The following EARS2 variants were observed in gnomAD, a reference collection of about 807,000 sequenced individuals.
EARS2 encodes glutamyl-tRNA synthetase 2, mitochondrial.
A neutral mutation model predicts 54.1 loss-of-function variants in EARS2; 50 were observed. The ratio of observed to expected loss-of-function variants is 0.92; its 90% CI spans 0.74 to 1.17. The LOEUF (loss-of-function observed/expected upper bound fraction) is 1.17, where lower values mean the gene tolerates loss of function less well. Ranked by LOEUF, EARS2 falls within the 50% of genes most tolerant of loss-of-function variation. The pLI, the probability that EARS2 is intolerant of heterozygous loss-of-function variation, is 0.00. For synonymous variants in EARS2, 298 were observed against 281.0 expected (o/e 1.06, Z -0.61); for missense variants, 673 against 675.0 (o/e 1.00, Z 0.03).
chr16:23,544,409 C>T (rs1965565756), intron 3 of EARS2, 105 bp downstream of exon 3: 2 of 1,207,720 alleles, frequency 1.7e-6, no homozygotes, highest in South Asian at 1.6e-5. Flanking sequence ...GCCTGACCCA[C>T]AGAAACTGAG....
intron 8 of EARS2, chr16:23,524,885 T>G (rs1965198961): frequency 2.2e-6 from 1 of 448,216 alleles, no homozygotes; most frequent in Admixed American, 4.0e-5. Flanking sequence ...CCTCAGGTGA[T>G]CCACCTGCCT....
At position 23,525,311 on chromosome 16, in the gene EARS2, T is replaced by C; in HGVS notation, c.1421A>G (p.Glu474Gly). ...ACTGTACTTGGTGCCTTCCAGACCTTCTGATAGCTTCTTCAGTTCTCCATT... is the reference window on the plus strand; with the variant it reads ...ACTGTACTTGGTGCCTTCCAGACCTCCTGATAGCTTCTTCAGTTCTCCATT... ...MLNGELKKLS[E>G]GLEGTKYSNV... Residue 474 changes from glutamate (E) to glycine (G), a missense_variant, in exon 8 of 9, where the codon GAA becomes GGA. Transcript: ENST00000449606. The C allele has an allele frequency of 6.2e-7, 1 of 1,614,114 alleles. No homozygotes were observed. Among genetic ancestry groups the C allele is most frequent in the Non-Finnish European group, 8.5e-7 (1 of 1,180,016 alleles).
At chr16:23,533,525 T>A (rs1312182366) in intron 4 of EARS2, among the ~76,000 whole-genome samples, 2 of 152,132 alleles carry the variant, frequency 1.3e-5, no homozygotes, top group African/African-American at 2.4e-5. Context: ...ATTTAACTTC[T>A]AGCTATTTAT....
At chr16:23,546,944 T>C (rs570658651) in intron 2 of EARS2, among the ~76,000 whole-genome samples, 19 of 152,318 alleles carry the variant, frequency 1.2e-4, no homozygotes, top group African/African-American at 4.3e-4. Context: ...CGGGTAAATT[T>C]GGGGGGATCC....
At chr16:23,546,551 G>A (rs1368225537) in intron 2 of EARS2, 1 of 403,744 alleles carries the variant, frequency 2.5e-6, no homozygotes, top group Non-Finnish European at 4.9e-6. Flanking sequence ...TCTATGCTTT[G>A]GTATTTATGT....
Position 23,544,514 on chromosome 16 carries a change from CG to C in EARS2, c.484del (p.Arg162GlyfsTer9), listed in dbSNP as rs1567386952. 6.2e-7 allele frequency: 1 copy of C among 1,612,454 alleles called. No individual in the cohort carries two copies. Among genetic ancestry groups the C allele is most frequent in the Admixed American group, 1.7e-5 (1 of 59,770 alleles). On this transcript the variant is annotated frameshift_variant and splice_region_variant, in exon 3 of 9. Coordinates refer to ENST00000449606, the MANE Select transcript of EARS2 (RefSeq NM_001083614.2). LOFTEE classifies it high-confidence loss of function. The stretch of plus-strand genomic sequence containing the variant: ...ATCTGCAACAAGCTGAGGTTCTTAC[CG>C]GGGCGTCTGGTGGTTCCGCAAGGCC... ...KEALRNHQTPRYDNRCRNMSQ... is the reference protein window; with the variant it reads ...KEALRNHQTPXYDNRCRNMSQ...
In EARS2 at chr16:23,521,853, G is replaced by A; in HGVS notation, c.*2518C>T. The A allele has an allele frequency of 2.2e-6, 1 of 456,024 alleles. No homozygotes were observed. Among genetic ancestry groups the A allele is most frequent in the Non-Finnish European group, 4.4e-6 (1 of 226,788 alleles). The allele number at this position is 456,024 out of a possible 1,614,324, so 28.2% of individuals were successfully genotyped here. A position where few individuals can be genotyped will look rare whatever the true frequency, so the allele number is the denominator to read the frequency against. ...TTAATGTCTTAGAAACAGATGCTCT[G>A]ACAACACTCAGTAGATCAGAGTTAA... On this transcript the variant is annotated 3_prime_UTR_variant, in exon 9 of 9. Transcript: ENST00000449606.
At chr16:23,524,959 T>G in intron 8 of EARS2, 1 of 574,680 alleles carries the variant, frequency 1.7e-6, no homozygotes, top group South Asian at 2.2e-5. Context: ...TTTCCCATAT[T>G]AAGTAAGCTG....
At chr16:23,556,146 G>T (rs932954865) in intron 1 of EARS2, among the ~76,000 whole-genome samples, 1 of 152,204 alleles carries the variant, frequency 6.6e-6, no homozygotes, top group Non-Finnish European at 1.5e-5. Flanking sequence ...TTACTACAAA[G>T]ATCTTTGTAT....
Position 23,535,103 on chromosome 16 carries a change from G to C in EARS2, c.743C>G (p.Ser248Cys). The change falls in exon 4 of 9, where the codon TCT becomes TGT. Residue 248 changes from serine (S) to cysteine (C), a missense_variant. Ser to Cys is a moderately radical substitution (Grantham distance 112). This residue lies in a region of EARS2 where 338 missense variants were observed against 361.2 expected (regional missense o/e 0.94). Transcript: ENST00000449606. ...HMGISHVLRG[S>C]EWLVSTAKHL... ...CTTGGCAGTGGAGACGAGCCACTCA[G>C]AGCCTCGCAGCACGTGGCTGATGCC... 6.2e-7 allele frequency: 1 copy of C among 1,610,016 alleles called. No individual in the cohort carries two copies. Among genetic ancestry groups the C allele is most frequent in the Non-Finnish European group, 8.5e-7 (1 of 1,178,570 alleles).
At chr16:23,534,784 G>T (rs1330624917) in intron 4 of EARS2, 104 bp downstream of exon 4, 3 of 977,166 alleles carry the variant, frequency 3.1e-6, no homozygotes, top group Admixed American at 5.8e-5. Context: ...TCACCTGGCT[G>T]GTAGGTGGCA....
intron 7 of EARS2, 106 bp from the exon 8 acceptor site, chr16:23,525,485 C>A: frequency 7.8e-7 from 1 of 1,274,062 alleles, no homozygotes; most frequent in Middle Eastern, 2.5e-4. Flanking sequence ...AGCAGCACAA[C>A]CAATGTTCAA....
At position 23,522,184 on chromosome 16, in the gene EARS2, G is replaced by A; in HGVS notation, c.*2187C>T. The A allele has an allele frequency of 4.8e-6, 1 of 206,246 alleles. No homozygotes were observed. Among genetic ancestry groups the A allele is most frequent in the Non-Finnish European group, 1.0e-5 (1 of 98,078 alleles). 12.8% of individuals were successfully genotyped at this position (206,246 alleles called of 1,614,324 possible). Reference sequence around the variant, plus strand: ...TGTTTCTGCCATTACATCATCTTCTGGAGAAAGCTCCCTAGTTTTCCTTGA... The same window carrying A: ...TGTTTCTGCCATTACATCATCTTCTAGAGAAAGCTCCCTAGTTTTCCTTGA... On this transcript the variant is annotated 3_prime_UTR_variant, in exon 9 of 9. Transcript: ENST00000449606.
chr16:23,545,516 G>C (rs977192230), intron 2 of EARS2, among the ~76,000 whole-genome samples: 2 of 152,152 alleles, frequency 1.3e-5, no homozygotes, highest in African/African-American at 4.8e-5. Context: ...AGGTAGGTGC[G>C]GTTATTCCCC....
intron 4 of EARS2, 55 bp from the exon 5 acceptor site, chr16:23,532,820 C>T (rs1170565448): frequency 1.6e-6 from 2 of 1,282,358 alleles, no homozygotes; most frequent in African/African-American, 2.9e-5. Context: ...CCTCCTTCCA[C>T]TTTATCTCTT....
intron 4 of EARS2, among the ~76,000 whole-genome samples, chr16:23,534,522 G>A (rs950129905): frequency 6.6e-6 from 1 of 152,144 alleles, no homozygotes; most frequent in East Asian, 1.9e-4. Context: ...CAATCATAGG[G>A]TCTGTCATTT....
intron 7 of EARS2, among the ~76,000 whole-genome samples, chr16:23,525,734 A>G (rs1256095232): frequency 2.6e-5 from 4 of 152,064 alleles, no homozygotes; most frequent in Admixed American, 1.3e-4. Flanking sequence ...AGTGGCTCAC[A>G]CCTGTAATCC....
chr16:23,527,142 C>T (rs945919673), intron 7 of EARS2, among the ~76,000 whole-genome samples: 32 of 152,040 alleles, frequency 2.1e-4, no homozygotes, highest in Admixed American at 4.6e-4. Flanking sequence ...TTATTTTTAC[C>T]TTTTGTAGAG....
intron 7 of EARS2, 103 bp downstream of exon 7, chr16:23,529,399 T>C: frequency 2.8e-6 from 4 of 1,432,532 alleles, no homozygotes; most frequent in Non-Finnish European, 3.8e-6. Context: ...GGCCATGGAG[T>C]TGTGCTGGGG....
Sources: allele counts gnomAD v4.1 joint callset (sites outside exome capture counted in the v4.1 genomes callset), GRCh38; gene constraint gnomAD v4.1.1; regional missense constraint gnomAD v4.1.1; transcripts MANE v1.5; gene names NCBI Gene and HGNC (gene_info 2026-07-23, HGNC 2026-07-21).